The following SH3GL2 variants were observed in gnomAD, a reference collection of about 807,000 sequenced individuals.
The protein encoded by SH3GL2 is endophilin-A1.
In SH3GL2, 24 loss-of-function variants were observed where a neutral mutation model predicts 46.0. The ratio of observed to expected loss-of-function variants is 0.52; its 90% confidence interval spans 0.38 to 0.73. The LOEUF is 0.73. SH3GL2 is among the 30% of genes least tolerant of loss of function. The probability of loss-of-function intolerance (pLI) is 0.00; values close to 1 mark genes in which losing one functional copy is unlikely to be tolerated. For missense variants in SH3GL2, 413 were observed against 424.2 expected, an observed-to-expected ratio of 0.97 and a Z score of 0.23; for synonymous variants, 196 against 147.1, an observed-to-expected ratio of 1.33 and a Z score of -2.40.
chr9:17,739,547 C>T (rs868185493), intron 1 of SH3GL2, among the ~76,000 whole-genome samples: 5 of 152,202 alleles, frequency 3.3e-5, no homozygotes, highest in Middle Eastern at 3.4e-3. Context: ...GCTTGCTGAA[C>T]TGCCCTCTTA....
At chr9:17,784,670 C>T (rs1395249960) in intron 3 of SH3GL2, among the ~76,000 whole-genome samples, 1 of 152,138 alleles carries the variant, frequency 6.6e-6, no homozygotes, top group Non-Finnish European at 1.5e-5. Context: ...AGATATGACT[C>T]ACTGCAGAAA....
At chr9:17,761,665 C>A in intron 3 of SH3GL2, 156 bp downstream of exon 3, 1 of 722,258 alleles carries the variant, frequency 1.4e-6, no homozygotes, top group Non-Finnish European at 2.5e-6. Flanking sequence ...CACATTTTAA[C>A]TGGGGAGAAG....
chr9:17,735,839 A>C, intron 1 of SH3GL2: 1 of 493,526 alleles, frequency 2.0e-6, no homozygotes, highest in Non-Finnish European at 2.6e-6. Flanking sequence ...CAGGGACATT[A>C]CTCTGCGTAT....
chr9:17,642,710 A>G (rs1030409415), intron 1 of SH3GL2, among the ~76,000 whole-genome samples: 3 of 152,132 alleles, frequency 2.0e-5, no homozygotes, highest in Admixed American at 2.0e-4. Context: ...CCACTGGTCC[A>G]TATATCTGTT....
At chr9:17,788,896 G>A (rs1467072991) in intron 5 of SH3GL2, among the ~76,000 whole-genome samples, 2 of 144,210 alleles carry the variant, frequency 1.4e-5, no homozygotes, top group African/African-American at 4.8e-5. Context: ...ATTGTGATGA[G>A]CAACTTACGT....
chr9:17,651,312 C>T (rs1039406825), intron 1 of SH3GL2, among the ~76,000 whole-genome samples: 4 of 152,272 alleles, frequency 2.6e-5, no homozygotes, highest in South Asian at 4.1e-4. Context: ...GATTTGACAT[C>T]TTTAAAATGT....
rs140907143 is a variant in SH3GL2, at chr9:17,647,300, A to G, written c.45+68013A>G. 2.4e-3 allele frequency among the ~76,000 whole-genome samples: 364 copies of G among 152,360 alleles called. 1 individual carries two copies. Among genetic ancestry groups the G allele is most frequent in the African/African-American group, 8.3e-3 (344 of 41,586 alleles). On this transcript the variant is annotated intron_variant, in intron 1 of 8. Coordinates refer to ENST00000380607, the MANE Select transcript of SH3GL2 (RefSeq NM_003026.5). ...TATTGTGGGGAAGACTAAAATGAAT[A>G]ATAGCTAACACTAGGCAAGGTCACA...
chr9:17,790,512 C>G (rs1050495656), intron 6 of SH3GL2: 4 of 541,652 alleles, frequency 7.4e-6, no homozygotes, highest in Non-Finnish European at 9.4e-6. Flanking sequence ...CCTAACTCCT[C>G]GAGAGGAATA....
intron 1 of SH3GL2, among the ~76,000 whole-genome samples, chr9:17,701,946 T>A (rs928509710): frequency 6.6e-6 from 1 of 152,046 alleles, no homozygotes; most frequent in Non-Finnish European, 1.5e-5. Context: ...AAGATAAGCC[T>A]ATTATAAATT....
intron 1 of SH3GL2, among the ~76,000 whole-genome samples, chr9:17,592,212 G>C (rs1419548654): frequency 6.6e-6 from 1 of 152,168 alleles, no homozygotes; most frequent in Non-Finnish European, 1.5e-5. Context: ...TGGAAGTCTT[G>C]CTTAAGAAAA....
chr9:17,635,746 G>A (rs971159309), intron 1 of SH3GL2, among the ~76,000 whole-genome samples: 1 of 152,204 alleles, frequency 6.6e-6, no homozygotes, highest in South Asian at 2.1e-4. Context: ...CTTGGAGTCA[G>A]CTGTGATGCC....
At chr9:17,685,067 A>G (rs1820868234) in intron 1 of SH3GL2, among the ~76,000 whole-genome samples, 2 of 152,080 alleles carry the variant, frequency 1.3e-5, no homozygotes, top group African/African-American at 2.4e-5. Context: ...AGGGTGGTGT[A>G]CTTGGTACCT....
intron 1 of SH3GL2, among the ~76,000 whole-genome samples, chr9:17,702,105 A>C (rs1821354009): frequency 6.6e-6 from 1 of 152,136 alleles, no homozygotes; most frequent in African/African-American, 2.4e-5. Flanking sequence ...TAATAGTTTA[A>C]CATAAGATAC....
At chr9:17,763,623 T>TC (rs1291330888) in intron 3 of SH3GL2, among the ~76,000 whole-genome samples, 1 of 152,148 alleles carries the variant, frequency 6.6e-6, no homozygotes, top group Non-Finnish European at 1.5e-5. Flanking sequence ...ATTTCAGACT[T>TC]CCGGTATGCT....
At chr9:17,713,479 T>G (rs1246828455) in intron 1 of SH3GL2, among the ~76,000 whole-genome samples, 1 of 151,314 alleles carries the variant, frequency 6.6e-6, no homozygotes, top group African/African-American at 2.4e-5. Context: ...TTCAGTTTGT[T>G]AAGGTCATTC....
At chr9:17,777,496 CTA>C in intron 3 of SH3GL2, among the ~76,000 whole-genome samples, 1 of 152,146 alleles carries the variant, frequency 6.6e-6, no homozygotes, top group East Asian at 1.9e-4. Flanking sequence ...AGAATTTGAT[CTA>C]TGTCAGCTCA....
chr9:17,640,442 A>C (rs1231674581), intron 1 of SH3GL2, among the ~76,000 whole-genome samples: 3 of 152,006 alleles, frequency 2.0e-5, no homozygotes, highest in Non-Finnish European at 4.4e-5. Flanking sequence ...AAAAGACTGG[A>C]CAGGTTTATG....
In SH3GL2 at chr9:17,663,310, C is replaced by T. The variant is rs548655090; in HGVS notation, c.46-83756C>T. On this transcript the variant is annotated intron_variant, in intron 1 of 8. Transcript: ENST00000380607. ...TGATTGTTATGTTGGGATTTATATC[C>T]TTCAGTTTTTTTGTATTAGATTTGC... Among the ~76,000 whole-genome samples the T allele has an allele frequency of 3.3e-5, 5 of 152,126 alleles. 1 individual carries two copies. In the South Asian group the frequency reaches 1.0e-3, roughly 32 times the overall value.
intron 3 of SH3GL2, among the ~76,000 whole-genome samples, chr9:17,762,488 CT>C (rs1563843984): frequency 1.3e-5 from 2 of 152,126 alleles, no homozygotes; most frequent in South Asian, 4.2e-4. Flanking sequence ...ATGCCCCCTG[CT>C]GCTGGCTGCA....
Sources: gnomAD v4.1 joint callset for allele counts (sites outside exome capture counted in the v4.1 genomes callset) on GRCh38, gnomAD v4.1.1 for gene constraint, MANE v1.5 for transcripts, NCBI Gene and HGNC (gene_info 2026-07-23, HGNC 2026-07-21) for gene names.